Variants in NXN observed in about 807,000 individuals in gnomAD.
The protein encoded by NXN is nucleoredoxin 1.
NXN carries 16 observed loss-of-function variants against 48.6 expected under a neutral mutation model. That is an observed-to-expected ratio of 0.33 (90% CI 0.22 to 0.50). NXN has a LOEUF of 0.50. Ranked by LOEUF, NXN falls within the 20% of genes least tolerant of loss-of-function variation. NXN has a pLI of 0.98. For missense variants in NXN, 492 were observed against 605.5 expected, an observed-to-expected ratio of 0.81 and a Z score of 1.97; for synonymous variants, 281 against 269.6, an observed-to-expected ratio of 1.04 and a Z score of -0.41.
chr17:943,876 TACC>T (rs2069011520), intron 1 of NXN, among the ~76,000 whole-genome samples: 1 of 151,922 alleles, frequency 6.6e-6, no homozygotes, highest in Non-Finnish European at 1.5e-5. Context: ...ATGTATATTC[TACC>T]ACAATTCTTA....
At chr17:957,570 T>G (rs376595739) in intron 1 of NXN, among the ~76,000 whole-genome samples, 149 of 150,600 alleles carry the variant, frequency 9.9e-4, no homozygotes, top group African/African-American at 3.5e-3. Context: ...AGGTGTAGGT[T>G]GCAGTGAGCC....
At chr17:834,864 T>C (rs914916434) in intron 1 of NXN, among the ~76,000 whole-genome samples, 3 of 149,898 alleles carry the variant, frequency 2.0e-5, no homozygotes, top group Admixed American at 6.6e-5. Context: ...CCATGTTGGC[T>C]GGGCTGGTCT....
chr17:849,784 G>A lies in NXN; in HGVS notation c.361-23706C>T, dbSNP rs746814808. Among the ~76,000 whole-genome samples the A allele has an allele frequency of 6.6e-6, 1 of 152,200 alleles. No individual in the cohort carries two copies. Among genetic ancestry groups the A allele is most frequent in the Non-Finnish European group, 1.5e-5 (1 of 68,044 alleles). ...AACCATAAACTCACGTCAAGGGCAG[G>A]CAGGGGTCGCCTTGCTGGGCCAGGG... On this transcript the variant is annotated intron_variant, in intron 1 of 7. Transcript: ENST00000336868. The surrounding 1 kb of genome is among the most constrained non-coding windows in gnomAD (Gnocchi z 4.2).
chr17:809,513 G>A (rs1291573160), intron 5 of NXN, among the ~76,000 whole-genome samples: 2 of 152,192 alleles, frequency 1.3e-5, no homozygotes, highest in East Asian at 3.8e-4. Flanking sequence ...AAGGGGTCCA[G>A]GACCCTGGGA....
chr17:923,330 C>T (rs530538421), intron 1 of NXN, among the ~76,000 whole-genome samples: 1 of 152,178 alleles, frequency 6.6e-6, no homozygotes, highest in South Asian at 2.1e-4. Flanking sequence ...TACTTGTGCA[C>T]CAACTTAAAG....
In NXN at chr17:917,722, G is replaced by C. The variant is rs1176809211; in HGVS notation, c.360+61597C>G. ...TCCGACCTCCTAGACGGACACCCCAGGTTCCAGCCCTACAAGGGGCGCGTA... is the reference window on the plus strand; with the variant it reads ...TCCGACCTCCTAGACGGACACCCCACGTTCCAGCCCTACAAGGGGCGCGTA... On this transcript the variant is annotated intron_variant, in intron 1 of 7. Transcript: ENST00000336868. This position sits in a 1 kb window ranked among gnomAD's most constrained non-coding sequence, Gnocchi z 4.5. Among the ~76,000 whole-genome samples the C allele has an allele frequency of 6.6e-6, 1 of 152,210 alleles. No homozygotes were observed. Among genetic ancestry groups the C allele is most frequent in the Non-Finnish European group, 1.5e-5 (1 of 68,040 alleles).
rs184805677 is a variant in NXN at position 812,599 on chromosome 17, G to A, written c.820+6840C>T. Among the ~76,000 whole-genome samples, 326 of 151,698 alleles carry A rather than the reference G, an allele frequency of 2.1e-3. 2 individuals are homozygous for A. Among genetic ancestry groups the A allele is most frequent in the African/African-American group, 7.7e-3 (318 of 41,066 alleles). On this transcript the variant is annotated intron_variant, in intron 5 of 7. Transcript: ENST00000336868. ...TGTGTGCACGTGTGTGTGATGGCGC[G>A]AGTGTGCATTGTGTGAGTGTAGGTG...
At chr17:938,834 C>T (rs1229196918) in intron 1 of NXN, among the ~76,000 whole-genome samples, 6 of 151,998 alleles carry the variant, frequency 3.9e-5, no homozygotes, top group East Asian at 3.9e-4. Context: ...CCGAGGCGGG[C>T]GGATCACTTG....
intron 1 of NXN, among the ~76,000 whole-genome samples, chr17:970,000 T>C (rs2069354556): frequency 6.6e-6 from 1 of 152,172 alleles, no homozygotes; most frequent in East Asian, 1.9e-4. Context: ...GGCTGACGGA[T>C]TGGACAGAAG....
At chr17:823,597 C>G (rs769722583) in intron 3 of NXN, 35 bp downstream of exon 3, 2 of 1,612,774 alleles carry the variant, frequency 1.2e-6, no homozygotes, top group Non-Finnish European at 1.7e-6. Flanking sequence ...TCACTGCTTC[C>G]TTCTGTCTGA....
intron 1 of NXN, among the ~76,000 whole-genome samples, chr17:968,494 G>A (rs1312596860): frequency 6.6e-6 from 1 of 151,148 alleles, no homozygotes; most frequent in East Asian, 2.0e-4. Context: ...GACTGCCTGG[G>A]CCCAGGTCAA....
At chr17:876,448 C>G (rs2068216636) in intron 1 of NXN, among the ~76,000 whole-genome samples, 2 of 152,172 alleles carry the variant, frequency 1.3e-5, no homozygotes, top group Admixed American at 1.3e-4. Context: ...CGGCTCATGA[C>G]CACATCCCCT....
chr17:873,885 T>C (rs762788127), intron 1 of NXN, among the ~76,000 whole-genome samples: 3 of 152,196 alleles, frequency 2.0e-5, no homozygotes. Flanking sequence ...CTGGTGAGGA[T>C]GATCACGTCT....
intron 1 of NXN, among the ~76,000 whole-genome samples, chr17:925,200 A>G (rs949750581): frequency 7.9e-5 from 12 of 152,224 alleles, no homozygotes; most frequent in Admixed American, 4.6e-4. Context: ...ACTTAAGTCA[A>G]GAATGAGGCC....
chr17:889,748 A>G (rs957684297), intron 1 of NXN, among the ~76,000 whole-genome samples: 1 of 29,198 alleles, frequency 3.4e-5, no homozygotes, highest in South Asian at 7.9e-4. Flanking sequence ...AGAAAGAAAG[A>G]AAGAAAGAAA....
At chr17:959,016 G>C (rs1344344450) in intron 1 of NXN, 2 of 240,396 alleles carry the variant, frequency 8.3e-6, no homozygotes, top group Non-Finnish European at 1.6e-5. Context: ...ATGCGGATGT[G>C]CGCGGAGCCG....
intron 1 of NXN, among the ~76,000 whole-genome samples, chr17:901,678 T>G (rs2068538820): frequency 6.6e-6 from 1 of 152,184 alleles, no homozygotes; most frequent in Admixed American, 6.5e-5. Context: ...AGTCTCTCCT[T>G]CAGCTTGCTG....
chr17:958,722 A>C lies in NXN; in HGVS notation c.360+20597T>G, dbSNP rs373870992. On this transcript the variant is annotated intron_variant, in intron 1 of 7. Transcript: ENST00000336868. The surrounding 1 kb of genome is among the most constrained non-coding windows in gnomAD (Gnocchi z 6.9). ...GGTAGAAGTGAGCCCAGATTGTGCC[A>C]CTGAACTCCAGCACAGGCGACAGAG... Among the ~76,000 whole-genome samples the C allele has an allele frequency of 2.0e-5, 3 of 152,158 alleles. No homozygotes were observed. The highest frequency in any genetic ancestry group is 4.4e-5 in the Non-Finnish European group (3 of 68,026).
rs924756553 is a variant in NXN at position 919,279 on chromosome 17, C to T, written c.360+60040G>A. ...TTGGGAGGCTGAAGCAGGAGAATAG[C>T]TTGAACTAGGGAGGCAGAGGTTGCA... On this transcript the variant is annotated intron_variant, in intron 1 of 7. Transcript: ENST00000336868. This position sits in a 1 kb window ranked among gnomAD's most constrained non-coding sequence, Gnocchi z 5.1. Among the ~76,000 whole-genome samples, 5 of 152,050 alleles carry T rather than the reference C, an allele frequency of 3.3e-5. No homozygotes were observed. Among genetic ancestry groups the T allele is most frequent in the Non-Finnish European group, 5.9e-5 (4 of 68,018 alleles).
Sources: gnomAD v4.1 joint callset for allele counts (sites outside exome capture counted in the v4.1 genomes callset) on GRCh38, gnomAD v4.1.1 for gene constraint, Gnocchi (gnomAD v3.1) non-coding constraint, MANE v1.5 for transcripts, NCBI Gene and HGNC (gene_info 2026-07-23, HGNC 2026-07-21) for gene names.